The following PRPF3 variants were observed in gnomAD, a reference collection of about 807,000 sequenced individuals.
PRPF3 encodes U4/U6 small nuclear ribonucleoprotein Prp3.
Under a neutral mutation model 89.2 loss-of-function variants are expected in PRPF3, and 3 were observed. That is an observed-to-expected ratio of 0.03 (90% CI 0.02 to 0.09). The LOEUF is 0.09. PRPF3 is among the 10% of genes least tolerant of loss of function. The pLI is 1.00. For missense variants in PRPF3, 463 were observed against 828.8 expected, an observed-to-expected ratio of 0.56 and a Z score of 5.42; for synonymous variants, 270 against 289.1, an observed-to-expected ratio of 0.93 and a Z score of 0.67.
chr1:150,335,359 C>A, intron 7 of PRPF3, 118 bp downstream of exon 7: 1 of 1,254,220 alleles, frequency 8.0e-7, no homozygotes, highest in Non-Finnish European at 1.1e-6. Context: ...AGCAGCAGTC[C>A]TCAACCTTTT....
At position 150,344,545 on chromosome 1, in the gene PRPF3, T is replaced by C; in HGVS notation, c.1638T>C (p.Tyr546=). Residue 546 remains tyrosine, a splice_region_variant and synonymous_variant, in exon 12 of 16, where the codon TAT becomes TAC. Coordinates refer to ENST00000324862, the MANE Select transcript of PRPF3 (RefSeq NM_004698.4). ...DISQGVHISV[Y]RVRNLSNPAK... The stretch of plus-strand genomic sequence containing the variant: ...CACAGGGGGTACACATATCTGTATA[T>C]AGGTAGGTGTCCATACTGGGCCAAA... The C allele has an allele frequency of 6.2e-7, 1 of 1,613,924 alleles. No individual in the cohort carries two copies. The highest frequency in any genetic ancestry group is 8.5e-7 in the Non-Finnish European group (1 of 1,179,868).
At chr1:150,323,285 T>G (rs113007736) in intron 1 of PRPF3, among the ~76,000 whole-genome samples, 12,161 of 148,332 alleles carry the variant, frequency 0.082, 652 homozygotes, top group Non-Finnish European at 0.12. Flanking sequence ...CAAGTGATTT[T>G]CCTGCCTCTG....
At chr1:150,342,823 A>C (rs587627734) in intron 9 of PRPF3, among the ~76,000 whole-genome samples, 1 of 152,066 alleles carries the variant, frequency 6.6e-6, no homozygotes, top group African/African-American at 2.4e-5. Context: ...ACCTGGCCTC[A>C]ATATATTTTT....
At chr1:150,336,572 A>G (rs1214561554) in intron 7 of PRPF3, among the ~76,000 whole-genome samples, 9 of 152,094 alleles carry the variant, frequency 5.9e-5, no homozygotes. Context: ...CCTGCCCAAC[A>G]TGGTGAAACC....
At chr1:150,342,781 A>G (rs1357097797) in intron 9 of PRPF3, among the ~76,000 whole-genome samples, 2 of 151,314 alleles carry the variant, frequency 1.3e-5, no homozygotes, top group Non-Finnish European at 2.9e-5. Context: ...CGTGCCTCCC[A>G]AAGTGCTGGG....
chr1:150,347,575 C>G (rs1387047580), intron 14 of PRPF3, among the ~76,000 whole-genome samples: 2 of 151,792 alleles, frequency 1.3e-5, no homozygotes, highest in Admixed American at 6.6e-5. Flanking sequence ...ACTGAAAACA[C>G]AAAAATTCGG....
At chr1:150,341,663 C>T (rs1240641872) in intron 9 of PRPF3, among the ~76,000 whole-genome samples, 1 of 151,614 alleles carries the variant, frequency 6.6e-6, no homozygotes, top group Non-Finnish European at 1.5e-5. Flanking sequence ...GCCTTGGCCT[C>T]CCAAAGTGCT....
intron 10 of PRPF3, 79 bp downstream of exon 10, chr1:150,343,531 T>C: frequency 1.3e-6 from 2 of 1,530,312 alleles, no homozygotes; most frequent in Non-Finnish European, 1.8e-6. Context: ...TTAACATCTC[T>C]GTGTTTGAGT....
At chr1:150,331,280 A>G (rs1434329274) in intron 4 of PRPF3, among the ~76,000 whole-genome samples, 5 of 151,182 alleles carry the variant, frequency 3.3e-5, no homozygotes. Context: ...CTCGTGATCC[A>G]CCTGCCTCAG....
intron 12 of PRPF3, among the ~76,000 whole-genome samples, 171 bp downstream of exon 12, chr1:150,344,718 A>G (rs1658108868): frequency 6.6e-6 from 1 of 151,862 alleles, no homozygotes; most frequent in Admixed American, 6.6e-5. Flanking sequence ...AGCGAGAGTT[A>G]ATGACTTATG....
At chr1:150,336,716 A>T (rs1455678326) in intron 7 of PRPF3, among the ~76,000 whole-genome samples, 4 of 152,056 alleles carry the variant, frequency 2.6e-5, no homozygotes, top group African/African-American at 9.7e-5. Context: ...AGATCGCACC[A>T]CTGCACTCCA....
chr1:150,327,575 G>A (rs1265405061), intron 3 of PRPF3: 35 of 985,594 alleles, frequency 3.6e-5, no homozygotes, highest in South Asian at 1.9e-4. Context: ...GGAAGCGCTC[G>A]CCCCTGGCCG....
chr1:150,338,495 G>GTATTTTTTTTTTTTTT lies in PRPF3; in HGVS notation c.1202+170_1202+171insATTTTTTTTTTTTTTT, dbSNP rs1467846345. ...GATAAGTAACTGTACACAAGGTCCT[G>GTATTTTTTTTTTTTTT]TTATTTTTTTTTTTTTTTTTTTTGA... On this transcript the variant is annotated intron_variant, in intron 8 of 15. Transcript: ENST00000324862. Among the ~76,000 whole-genome samples, 4 of 35,760 alleles carry GTATTTTTTTTTTTTTT rather than the reference G, an allele frequency of 1.1e-4. 2 individuals carry two copies. Among genetic ancestry groups the GTATTTTTTTTTTTTTT allele is most frequent in the Non-Finnish European group, 1.2e-4 (2 of 17,264 alleles). The allele number at this position is 35,760 out of a possible 152,430, so 23.5% of individuals were successfully genotyped here. A position where few individuals can be genotyped will look rare whatever the true frequency, so the allele number is the denominator to read the frequency against.
intron 15 of PRPF3, 123 bp from the exon 16 acceptor site, chr1:150,352,710 T>A: frequency 1.8e-6 from 2 of 1,085,320 alleles, no homozygotes; most frequent in Non-Finnish European, 2.7e-6. Flanking sequence ...AATTTTTTTT[T>A]AACCATAAAA....
chr1:150,350,467 G>A (rs1553874111), intron 15 of PRPF3, among the ~76,000 whole-genome samples: 1 of 152,098 alleles, frequency 6.6e-6, no homozygotes, highest in African/African-American at 2.4e-5. Flanking sequence ...CAAAGTGCTG[G>A]GATTACAGGC....
rs1553868851 is a variant in PRPF3 at position 150,338,376 on chromosome 1, G to A, written c.1202+50G>A. The A allele has an allele frequency of 3.2e-6, 5 of 1,554,556 alleles. No individual in the cohort carries two copies. The South Asian group carries it at 4.5e-5, about 14-fold the overall frequency. On this transcript the variant is annotated intron_variant, in intron 8 of 15. Coordinates refer to ENST00000324862, the MANE Select transcript of PRPF3 (RefSeq NM_004698.4). Reference sequence around the variant, plus strand: ...AAAAAAACAGTTTTTAATCAGCTGAGTTTAAGACTCAAGTTAATACCTTTT... The same window carrying A: ...AAAAAAACAGTTTTTAATCAGCTGAATTTAAGACTCAAGTTAATACCTTTT...
At chr1:150,352,806 T>G (rs1274996426) in intron 15 of PRPF3, 27 bp from the exon 16 acceptor site, 1 of 1,609,512 alleles carries the variant, frequency 6.2e-7, no homozygotes, top group Non-Finnish European at 8.5e-7. Flanking sequence ...GAAATTGAAG[T>G]GTTTTTATTA....
At position 150,340,353 on chromosome 1, in the gene PRPF3, A is replaced by G. The variant is rs782419298; in HGVS notation, c.1203-45A>G. 62 of 1,373,926 alleles carry G rather than the reference A, an allele frequency of 4.5e-5. No homozygotes were observed. In the Middle Eastern group the frequency reaches 5.7e-4, roughly 13 times the overall value. 85.1% of individuals were successfully genotyped at this position (1,373,926 alleles called of 1,614,324 possible). A position where few individuals can be genotyped will look rare whatever the true frequency, so the allele number is the denominator to read the frequency against. On this transcript the variant is annotated intron_variant, in intron 8 of 15. Transcript: ENST00000324862. ...TTTCTGAGACTCCTCTCTTAGAATC[A>G]TCTCTACCCGCATATCGTGTTTTCT...
At chr1:150,346,332 A>T in intron 13 of PRPF3, 76 bp from the exon 14 acceptor site, 1 of 1,444,328 alleles carries the variant, frequency 6.9e-7, no homozygotes, top group Non-Finnish European at 9.7e-7. Context: ...CTACCACATT[A>T]ATGTCTGAGC....
Sources: gnomAD v4.1 joint callset for allele counts (sites outside exome capture counted in the v4.1 genomes callset) on GRCh38, gnomAD v4.1.1 for gene constraint, MANE v1.5 for transcripts, NCBI Gene and HGNC (gene_info 2026-07-23, HGNC 2026-07-21) for gene names.